The following STK32B variants were observed in gnomAD, a reference collection of about 807,000 sequenced individuals.
STK32B encodes serine/threonine kinase 32B.
STK32B carries 43 observed loss-of-function variants against 52.6 expected under a neutral mutation model. That is an observed-to-expected ratio of 0.82 (90% CI 0.64 to 1.05). The LOEUF is 1.05. Among genes scored for constraint, STK32B ranks in the 50% least tolerant of loss-of-function variants. STK32B has a pLI of 0.00. For missense variants in STK32B, 621 were observed against 534.6 expected (o/e 1.16, Z -1.59); for synonymous variants, 238 against 204.3 (o/e 1.17, Z -1.41).
intron 3 of STK32B, among the ~76,000 whole-genome samples, chr4:5,324,696 G>T (rs1476989292): frequency 6.6e-6 from 1 of 152,208 alleles, no homozygotes; most frequent in Non-Finnish European, 1.5e-5. Context: ...TCCCAGGGGA[G>T]CAAAACTGCT....
intron 3 of STK32B, among the ~76,000 whole-genome samples, chr4:5,243,585 G>A (rs1187240033): frequency 6.6e-6 from 1 of 152,144 alleles, no homozygotes; most frequent in Non-Finnish European, 1.5e-5. Context: ...TCTCCTGCCT[G>A]ATTGCCCTGG....
chr4:5,454,489 T>C (rs1290840919), intron 7 of STK32B, among the ~76,000 whole-genome samples: 1 of 152,092 alleles, frequency 6.6e-6, no homozygotes, highest in Non-Finnish European at 1.5e-5. Flanking sequence ...TCAGGTCACG[T>C]AGAATTAGGA....
chr4:5,481,051 A>G (rs1174668163), intron 11 of STK32B, among the ~76,000 whole-genome samples: 1 of 152,164 alleles, frequency 6.6e-6, no homozygotes, highest in Non-Finnish European at 1.5e-5. Context: ...ATACGTGTGC[A>G]TGTGTCTTTA....
At chr4:5,102,196 A>G (rs1168561900) in intron 1 of STK32B, among the ~76,000 whole-genome samples, 1 of 152,198 alleles carries the variant, frequency 6.6e-6, no homozygotes, top group African/African-American at 2.4e-5. Flanking sequence ...CCTCATTTGT[A>G]AAATGCAGGT....
chr4:5,303,616 T>G (rs1729724077), intron 3 of STK32B, among the ~76,000 whole-genome samples: 1 of 152,184 alleles, frequency 6.6e-6, no homozygotes, highest in Non-Finnish European at 1.5e-5. Context: ...GCAAAGATTT[T>G]CTGTCACTCT....
intron 3 of STK32B, among the ~76,000 whole-genome samples, chr4:5,212,501 C>T (rs934899440): frequency 4.6e-5 from 7 of 152,142 alleles, no homozygotes; most frequent in African/African-American, 1.7e-4. Flanking sequence ...GGAGATAAAC[C>T]GCAGTCCCCA....
Position 5,395,368 on chromosome 4 carries a change from A to C in STK32B, c.435-2839A>C, listed in dbSNP as rs151296980. 1.1e-4 allele frequency among the ~76,000 whole-genome samples: 17 copies of C among 152,268 alleles called. No homozygotes were observed. In the East Asian group the frequency reaches 2.7e-3, roughly 24 times the overall value. On this transcript the variant is annotated intron_variant, in intron 4 of 11. Coordinates refer to ENST00000282908, the MANE Select transcript of STK32B (RefSeq NM_018401.3). The surrounding 1 kb of genome is among the most constrained non-coding windows in gnomAD (Gnocchi z 4.4). ...TATTCTCTCATCCTCCTACTTCCTCATCTGCAAAATGAGAACTTGCTCACT... is the reference window on the plus strand; with the variant it reads ...TATTCTCTCATCCTCCTACTTCCTCCTCTGCAAAATGAGAACTTGCTCACT...
Position 5,052,552 on chromosome 4 carries a change from A to G in STK32B, c.52+637A>G, listed in dbSNP as rs114407251. ...GGATCCTTGCGGTTCAGGTCGATAG[A>G]GCTCCCTATTTGGACTAGCAGAACC... On this transcript the variant is annotated intron_variant, in intron 1 of 11. Coordinates refer to ENST00000282908, the MANE Select transcript of STK32B (RefSeq NM_018401.3). 2.4e-3 allele frequency among the ~76,000 whole-genome samples: 361 copies of G among 152,146 alleles called. 5 individuals carry two copies. The highest frequency in any genetic ancestry group is 8.2e-3 in the African/African-American group (341 of 41,512).
At chr4:5,139,744 A>C in intron 1 of STK32B, 161 bp from the exon 2 acceptor site, 1 of 686,054 alleles carries the variant, frequency 1.5e-6, no homozygotes, top group Non-Finnish European at 2.5e-6. Context: ...ATGTGCTGCA[A>C]ATTCCCCTGT....
At chr4:5,459,515 A>G (rs1372781105) in intron 8 of STK32B, among the ~76,000 whole-genome samples, 1 of 152,212 alleles carries the variant, frequency 6.6e-6, no homozygotes, top group Non-Finnish European at 1.5e-5. Context: ...TAGATAAGCT[A>G]CAGGGTTTTG....
Position 5,286,145 on chromosome 4 carries a change from C to A in STK32B, c.261-45075C>A, listed in dbSNP as rs141312748. On this transcript the variant is annotated intron_variant, in intron 3 of 11. Coordinates refer to ENST00000282908, the MANE Select transcript of STK32B (RefSeq NM_018401.3). ...GAACTATGAGAAAATAAATTTCTGT[C>A]GTTTAAGCCACCTGGCTGTGGTACT... Among the ~76,000 whole-genome samples the A allele has an allele frequency of 1.4e-3, 209 of 152,234 alleles. 3 individuals carry two copies. The highest frequency in any genetic ancestry group is 3.3e-3 in the South Asian group (16 of 4,814).
intron 11 of STK32B, among the ~76,000 whole-genome samples, chr4:5,497,885 T>G (rs1720426165): frequency 6.6e-6 from 1 of 152,174 alleles, no homozygotes; most frequent in Non-Finnish European, 1.5e-5. Context: ...TGCTCTGCAC[T>G]CTGTTGGAAA....
intron 3 of STK32B, among the ~76,000 whole-genome samples, chr4:5,272,263 CAT>C (rs1727493709): frequency 1.4e-5 from 2 of 147,062 alleles, no homozygotes; most frequent in South Asian, 2.3e-4. Flanking sequence ...TTGAGATAAT[CAT>C]GTGGTTTTTG....
chr4:5,323,838 A>G (rs568496276), intron 3 of STK32B, among the ~76,000 whole-genome samples: 39 of 152,322 alleles, frequency 2.6e-4, no homozygotes, highest in Non-Finnish European at 5.0e-4. Flanking sequence ...CAGAAGAGCA[A>G]TGGTGACTTG....
chr4:5,176,299 C>T (rs1236386413), intron 3 of STK32B, among the ~76,000 whole-genome samples: 1 of 152,146 alleles, frequency 6.6e-6, no homozygotes, highest in East Asian at 1.9e-4. Context: ...GTGTGCTGCA[C>T]CCACTGTTCT....
intron 3 of STK32B, among the ~76,000 whole-genome samples, chr4:5,269,466 A>G (rs1426730450): frequency 1.3e-5 from 2 of 152,216 alleles, no homozygotes; most frequent in African/African-American, 4.8e-5. Context: ...GAACACAAAA[A>G]GGTAATATAT....
intron 1 of STK32B, among the ~76,000 whole-genome samples, chr4:5,066,692 C>T (rs1287965183): frequency 6.6e-6 from 1 of 152,198 alleles, no homozygotes; most frequent in Non-Finnish European, 1.5e-5. Context: ...CTATTTCTTC[C>T]TCTTGTAATC....
At chr4:5,195,334 T>G (rs1721557106) in intron 3 of STK32B, among the ~76,000 whole-genome samples, 1 of 152,146 alleles carries the variant, frequency 6.6e-6, no homozygotes, top group African/African-American at 2.4e-5. Flanking sequence ...GCCTGCTGCC[T>G]CCTCCCCTTC....
chr4:5,354,151 G>A (rs1188433630), intron 4 of STK32B, among the ~76,000 whole-genome samples: 1 of 152,244 alleles, frequency 6.6e-6, no homozygotes, highest in Non-Finnish European at 1.5e-5. Context: ...CAAATTGTGA[G>A]TGTTCTTACT....
Sources: allele counts gnomAD v4.1 joint callset (sites outside exome capture counted in the v4.1 genomes callset), GRCh38; gene constraint gnomAD v4.1.1; non-coding constraint Gnocchi (gnomAD v3.1); transcripts MANE v1.5; gene names NCBI Gene and HGNC (gene_info 2026-07-23, HGNC 2026-07-21).